Variants in AP1S3 observed in about 807,000 individuals in gnomAD.
AP1S3 encodes the protein AP-1 complex subunit sigma-3.
A neutral mutation model predicts 20.9 loss-of-function variants in AP1S3; 10 were observed. The observed-to-expected ratio is 0.48, with a 90% CI of 0.29 to 0.81. The LOEUF (loss-of-function observed/expected upper bound fraction) is 0.81, where lower values mean the gene tolerates loss of function less well. Among genes scored for constraint, AP1S3 ranks in the 30% least tolerant of loss-of-function variants. The pLI, the probability that AP1S3 is intolerant of heterozygous loss-of-function variation, is 0.08. For synonymous variants in AP1S3, 41 were observed against 61.5 expected, an observed-to-expected ratio of 0.67 and a Z score of 1.56; for missense variants, 154 against 183.8, an observed-to-expected ratio of 0.84 and a Z score of 0.94.
chr2:223,777,636 T>A, intron 2 of AP1S3, 55 bp downstream of exon 2: 1 of 1,514,950 alleles, frequency 6.6e-7, no homozygotes, highest in Admixed American at 1.9e-5. Context: ...ATGTTCAGGA[T>A]TAGAACAAAC....
Position 223,791,983 on chromosome 2 carries a change from C to T in AP1S3, c.4-14114G>A, listed in dbSNP as rs1297806587. ...GGAATACAGCTAACAAAAACCACTG[C>T]TCAAAGAAATCAGAGATGACACAAA... On this transcript the variant is annotated intron_variant, in intron 1 of 4. Transcript: ENST00000396654. 3.3e-5 allele frequency among the ~76,000 whole-genome samples: 5 copies of T among 151,982 alleles called. No homozygotes were observed. The East Asian group carries it at 9.7e-4, about 29-fold the overall frequency.
intron 1 of AP1S3, among the ~76,000 whole-genome samples, chr2:223,835,088 G>A (rs1692364771): frequency 1.4e-5 from 1 of 69,558 alleles, no homozygotes; most frequent in African/African-American, 5.3e-5. Flanking sequence ...CAGACCTCCA[G>A]TAAAAGTCTT....
At chr2:223,805,164 T>C (rs1691550336) in intron 1 of AP1S3, among the ~76,000 whole-genome samples, 1 of 152,202 alleles carries the variant, frequency 6.6e-6, no homozygotes, top group Admixed American at 6.5e-5. Flanking sequence ...ATGGGCCAGA[T>C]GCCGAGGCTC....
intron 1 of AP1S3, among the ~76,000 whole-genome samples, chr2:223,789,577 T>A (rs1008725584): frequency 9.9e-5 from 15 of 151,294 alleles, no homozygotes; most frequent in Non-Finnish European, 1.5e-4. Context: ...TGGTGACTCA[T>A]GCCTACAATC....
At chr2:223,810,724 T>C (rs895187358) in intron 1 of AP1S3, among the ~76,000 whole-genome samples, 1 of 125,686 alleles carries the variant, frequency 8.0e-6, no homozygotes, top group Admixed American at 8.6e-5. Flanking sequence ...AATGCAAAGA[T>C]GTGCTGTCCC....
intron 1 of AP1S3, among the ~76,000 whole-genome samples, chr2:223,822,211 G>A (rs576399901): frequency 6.6e-6 from 1 of 151,706 alleles, no homozygotes; most frequent in African/African-American, 2.4e-5. Flanking sequence ...GCAATATAGT[G>A]AGACCTTGTC....
At chr2:223,814,790 A>C (rs529420065) in intron 1 of AP1S3, among the ~76,000 whole-genome samples, 1 of 152,244 alleles carries the variant, frequency 6.6e-6, no homozygotes, top group South Asian at 2.1e-4. Flanking sequence ...ATTTTTCTTT[A>C]ATTTGAAACA....
intron 1 of AP1S3, among the ~76,000 whole-genome samples, chr2:223,823,748 T>C (rs1692051279): frequency 6.6e-6 from 1 of 151,924 alleles, no homozygotes; most frequent in Middle Eastern, 3.2e-3. Context: ...TGTGTTCTCA[T>C]CACACACACA....
chr2:223,835,089 T>TAA (rs965683652), intron 1 of AP1S3, among the ~76,000 whole-genome samples: 1 of 69,564 alleles, frequency 1.4e-5, no homozygotes, highest in African/African-American at 5.3e-5. Context: ...AGACCTCCAG[T>TAA]AAAAGTCTTG....
chr2:223,758,673 C>A lies in AP1S3; in HGVS notation c.*42G>T, dbSNP rs537681063. ...GATGGGAGGCGTTGCTTATTTACAG[C>A]TTCATAACATGTAGTGCTGGAGTCT... On this transcript the variant is annotated 3_prime_UTR_variant, in exon 5 of 5. Coordinates refer to ENST00000396654, the MANE Select transcript of AP1S3 (RefSeq NM_001039569.2). The A allele has an allele frequency of 2.9e-5, 46 of 1,559,536 alleles. No individual in the cohort carries two copies. The East Asian group carries it at 1.0e-3, about 34-fold the overall frequency.
At chr2:223,802,310 T>TA in intron 1 of AP1S3, among the ~76,000 whole-genome samples, 1 of 151,824 alleles carries the variant, frequency 6.6e-6, no homozygotes, top group African/African-American at 2.4e-5. Flanking sequence ...TTATTTTATT[T>TA]TTTTTTTTTG....
At chr2:223,824,105 C>G (rs1692059728) in intron 1 of AP1S3, among the ~76,000 whole-genome samples, 1 of 152,162 alleles carries the variant, frequency 6.6e-6, no homozygotes, top group Non-Finnish European at 1.5e-5. Context: ...GATCTTCCCA[C>G]CTGAGCCTCC....
At position 223,790,200 on chromosome 2, in the gene AP1S3, C is replaced by T. The variant is rs181104775; in HGVS notation, c.4-12331G>A. Among the ~76,000 whole-genome samples the T allele has an allele frequency of 4.1e-3, 613 of 150,350 alleles. 1 individual carries two copies. The highest frequency in any genetic ancestry group is 6.1e-3 in the Non-Finnish European group (415 of 67,664). On this transcript the variant is annotated intron_variant, in intron 1 of 4. Transcript: ENST00000396654. ...CATGACATTTTGACACATGCAAAGA[C>T]TAAAAATACAAAGAAAAGAAATTGC...
chr2:223,778,582 G>A (rs1035840475), intron 1 of AP1S3, among the ~76,000 whole-genome samples: 1 of 151,922 alleles, frequency 6.6e-6, no homozygotes, highest in Non-Finnish European at 1.5e-5. Flanking sequence ...ATTATATTCC[G>A]GCACCAATAT....
chr2:223,788,441 T>C (rs536248475), intron 1 of AP1S3, among the ~76,000 whole-genome samples: 1 of 150,858 alleles, frequency 6.6e-6, no homozygotes, highest in Non-Finnish European at 1.5e-5. Flanking sequence ...GGTGACACCC[T>C]GACTCTACTA....
intron 1 of AP1S3, among the ~76,000 whole-genome samples, chr2:223,806,574 G>A (rs562825897): frequency 3.3e-5 from 5 of 152,142 alleles, no homozygotes; most frequent in African/African-American, 7.2e-5. Context: ...ATGAGCCACC[G>A]CACCTGGCCA....
rs1690226911 is a variant in AP1S3 at position 223,756,537 on chromosome 2, G to A, written c.*2178C>T. On this transcript the variant is annotated 3_prime_UTR_variant, in exon 5 of 5. Coordinates refer to ENST00000396654, the MANE Select transcript of AP1S3 (RefSeq NM_001039569.2). ...TAAAAAGTTAAACCACAAAACTGAA[G>A]GTTAGCTAAAGTAAACACAGTGGTC... 2.0e-6 allele frequency: 2 copies of A among 985,242 alleles called. No homozygotes were observed. Among genetic ancestry groups the A allele is most frequent in the Non-Finnish European group, 2.4e-6 (2 of 829,864 alleles). 61.0% of individuals were successfully genotyped at this position (985,242 alleles called of 1,614,324 possible).
At chr2:223,835,524 G>A (rs1210620917) in intron 1 of AP1S3, among the ~76,000 whole-genome samples, 3 of 152,118 alleles carry the variant, frequency 2.0e-5, no homozygotes, top group Non-Finnish European at 4.4e-5. Flanking sequence ...GCGTGGTGGC[G>A]GGCGCCTGTA....
intron 1 of AP1S3, among the ~76,000 whole-genome samples, chr2:223,831,848 G>T (rs370214552): frequency 6.6e-6 from 1 of 152,046 alleles, no homozygotes; most frequent in African/African-American, 2.4e-5. Flanking sequence ...AGGCTGAGGC[G>T]GGCAGATCAC....
Sources: gnomAD v4.1 joint callset for allele counts (sites outside exome capture counted in the v4.1 genomes callset) on GRCh38, gnomAD v4.1.1 for gene constraint, MANE v1.5 for transcripts, NCBI Gene and HGNC (gene_info 2026-07-23, HGNC 2026-07-21) for gene names.